FGF14: variants seen among roughly 807,000 people sequenced by gnomAD.
FGF14 encodes fibroblast growth factor 14, also known as fibroblast growth factor homologous factor 4.
FGF14 carries 5 observed loss-of-function variants against 25.5 expected under a neutral mutation model. That is an observed-to-expected ratio of 0.20 (90% CI 0.10 to 0.41). FGF14 has a LOEUF of 0.41. Among genes scored for constraint, FGF14 ranks in the 10% least tolerant of loss-of-function variants. The probability of loss-of-function intolerance (pLI) is 1.00; values close to 1 mark genes in which losing one functional copy is unlikely to be tolerated. For synonymous variants in FGF14, 138 were observed against 118.3 expected (o/e 1.17, Z -1.08); for missense variants, 222 against 320.1 (o/e 0.69, Z 2.34).
chr13:102,274,444 C>T (rs141936155), intron 1 of FGF14, among the ~76,000 whole-genome samples: 276 of 152,144 alleles, frequency 1.8e-3, no homozygotes, highest in African/African-American at 6.3e-3. Flanking sequence ...TGTCCCCTAC[C>T]CCCACCCACA....
intron 3 of FGF14, among the ~76,000 whole-genome samples, chr13:101,858,339 T>A (rs548591154): frequency 6.6e-6 from 1 of 152,146 alleles, no homozygotes; most frequent in Admixed American, 6.6e-5. Flanking sequence ...CAATTTTGCT[T>A]CAAATTTTAA....
intron 1 of FGF14, among the ~76,000 whole-genome samples, chr13:102,224,439 T>A (rs2140968800): frequency 6.6e-6 from 1 of 152,292 alleles, no homozygotes; most frequent in East Asian, 1.9e-4. Context: ...GGGTGTCAAC[T>A]TTTTGGTGCA....
intron 1 of FGF14, among the ~76,000 whole-genome samples, chr13:101,880,815 A>T (rs1013288463): frequency 2.6e-5 from 4 of 152,168 alleles, no homozygotes; most frequent in African/African-American, 9.6e-5. Flanking sequence ...CTCAAATAGT[A>T]TTTATTGAAC....
chr13:102,379,434 TTA>T (rs924912336), intron 1 of FGF14, among the ~76,000 whole-genome samples: 3 of 150,680 alleles, frequency 2.0e-5, no homozygotes, highest in African/African-American at 7.4e-5. Flanking sequence ...ACACACATAT[TTA>T]TATATATGTG....
intron 1 of FGF14, among the ~76,000 whole-genome samples, chr13:101,885,649 C>G (rs1272122105): frequency 6.6e-6 from 1 of 151,424 alleles, no homozygotes; most frequent in East Asian, 1.9e-4. Flanking sequence ...TGAAGTTTCC[C>G]TTTACCCAAA....
At chr13:102,272,865 C>T (rs1362538669) in intron 1 of FGF14, among the ~76,000 whole-genome samples, 1 of 152,138 alleles carries the variant, frequency 6.6e-6, no homozygotes, top group Non-Finnish European at 1.5e-5. Flanking sequence ...GTACTATGTA[C>T]ATCTCATTTT....
At chr13:101,772,179 A>C (rs1183595694) in intron 3 of FGF14, among the ~76,000 whole-genome samples, 2 of 152,060 alleles carry the variant, frequency 1.3e-5, no homozygotes, top group Non-Finnish European at 2.9e-5. Flanking sequence ...AAAAAAGAAG[A>C]ACCCACAAAT....
chr13:101,877,527 A>G (rs2138762994), intron 1 of FGF14, among the ~76,000 whole-genome samples: 1 of 152,290 alleles, frequency 6.6e-6, no homozygotes, highest in East Asian at 1.9e-4. Flanking sequence ...CTGGAATCTG[A>G]TCACTCAGCT....
chr13:101,945,978 A>G (rs2035778604), intron 1 of FGF14, among the ~76,000 whole-genome samples: 1 of 152,202 alleles, frequency 6.6e-6, no homozygotes. Flanking sequence ...ACTCTGAATC[A>G]TCGTGAAGCC....
chr13:101,769,157 A>G (rs2038599517), intron 3 of FGF14, among the ~76,000 whole-genome samples: 1 of 152,194 alleles, frequency 6.6e-6, no homozygotes, highest in South Asian at 2.1e-4. Context: ...ACCTTAACAG[A>G]TAAGTTGCCA....
chr13:102,026,804 A>T (rs1013148510), intron 1 of FGF14, among the ~76,000 whole-genome samples: 1 of 151,940 alleles, frequency 6.6e-6, no homozygotes, highest in African/African-American at 2.4e-5. Context: ...CATTATTTAC[A>T]TAAGAAATTG....
rs945025813 is a variant in FGF14, at chr13:101,717,982, T to G, written c.*4849A>C. The stretch of plus-strand genomic sequence containing the variant: ...TCAAAAATGTCCTCGGCATTTGTTT[T>G]CTCAGAAAAAGAATTTAGATATTGG... On this transcript the variant is annotated 3_prime_UTR_variant, in exon 5 of 5. Transcript: ENST00000376143. The G allele has an allele frequency of 6.6e-6, 1 of 152,166 alleles. No homozygotes were observed. The highest frequency in any genetic ancestry group is 1.5e-5 in the Non-Finnish European group (1 of 68,026). The allele number at this position is 152,166 out of a possible 1,614,324, so 9.4% of individuals were successfully genotyped here. A position where few individuals can be genotyped will look rare whatever the true frequency, so the allele number is the denominator to read the frequency against.
In FGF14 at chr13:101,715,489, G is replaced by T; in HGVS notation, c.*7342C>A. 1 of 997,184 alleles carries T rather than the reference G, an allele frequency of 1.0e-6. No individual in the cohort carries two copies. Among genetic ancestry groups the T allele is most frequent in the Non-Finnish European group, 1.6e-6 (1 of 620,878 alleles). 61.8% of individuals were successfully genotyped at this position (997,184 alleles called of 1,614,324 possible). A position where few individuals can be genotyped will look rare whatever the true frequency, so the allele number is the denominator to read the frequency against. On this transcript the variant is annotated 3_prime_UTR_variant, in exon 5 of 5. Coordinates refer to ENST00000376143, the MANE Select transcript of FGF14 (RefSeq NM_004115.4). ...TGAAATGATTTCATTGTGGACACTT[G>T]TGATTTATAATAGCATGTTTAAATT...
intron 1 of FGF14, among the ~76,000 whole-genome samples, chr13:102,065,536 A>C (rs114934760): frequency 0.011 from 1,707 of 152,238 alleles, 30 homozygotes; most frequent in African/African-American, 0.039. Context: ...TTTAAAATAC[A>C]AAAAAGAGCA....
upstream of FGF14, among the ~76,000 whole-genome samples, chr13:101,921,244 T>A (rs773269230): frequency 9.2e-5 from 14 of 152,170 alleles, no homozygotes; most frequent in Non-Finnish European, 2.1e-4. Flanking sequence ...TAATTAACAC[T>A]GAATCTAGGG....
At chr13:101,769,208 T>C (rs891331978) in intron 3 of FGF14, among the ~76,000 whole-genome samples, 8 of 152,102 alleles carry the variant, frequency 5.3e-5, no homozygotes, top group African/African-American at 7.2e-5. Context: ...TGAAAAGATG[T>C]TCCACATTAT....
rs2033552755 is a variant in FGF14, at chr13:101,916,768, C to T, written c.-123G>A. Reference sequence around the variant, plus strand: ...TCGGGGCAGAGGAGGGGGTGCCAGGCGGGACTGGGGAGAGGGGAAGGGGGG... The same window carrying T: ...TCGGGGCAGAGGAGGGGGTGCCAGGTGGGACTGGGGAGAGGGGAAGGGGGG... On this transcript the variant is annotated 5_prime_UTR_variant, in exon 1 of 5. Coordinates refer to ENST00000376143, the MANE Select transcript of FGF14 (RefSeq NM_004115.4). 3.7e-6 allele frequency: 3 copies of T among 816,248 alleles called. No homozygotes were observed. Among genetic ancestry groups the T allele is most frequent in the South Asian group, 3.8e-5 (2 of 53,302 alleles). The allele number at this position is 816,248 out of a possible 1,614,324, so 50.6% of individuals were successfully genotyped here.
chr13:102,276,298 T>TACACACACAC (rs57994075), intron 1 of FGF14, among the ~76,000 whole-genome samples: 2,058 of 118,254 alleles, frequency 0.017, 66 homozygotes, highest in African/African-American at 0.061. Context: ...AACTTGGAAA[T>TACACACACAC]ACACACACAC....
intron 3 of FGF14, among the ~76,000 whole-genome samples, chr13:101,806,235 C>T (rs575131402): frequency 2.0e-4 from 31 of 151,838 alleles, no homozygotes; most frequent in African/African-American, 6.3e-4. Flanking sequence ...GCCTGGCCAA[C>T]GTGATGAAAC....
Sources: gnomAD v4.1 joint callset for allele counts (sites outside exome capture counted in the v4.1 genomes callset) on GRCh38, gnomAD v4.1.1 for gene constraint, MANE v1.5 for transcripts, NCBI Gene and HGNC (gene_info 2026-07-23, HGNC 2026-07-21) for gene names.